FRMD4A: variants seen among roughly 807,000 people sequenced by gnomAD.
FRMD4A encodes FERM domain containing 4A.
FRMD4A carries 29 observed loss-of-function variants against 129.1 expected under a neutral mutation model. The ratio of observed to expected loss-of-function variants is 0.22; its 90% confidence interval spans 0.17 to 0.31. The LOEUF (loss-of-function observed/expected upper bound fraction) is 0.31, where lower values mean the gene tolerates loss of function less well. FRMD4A is among the 10% of genes least tolerant of loss of function. The probability of loss-of-function intolerance (pLI) is 1.00; values close to 1 mark genes in which losing one functional copy is unlikely to be tolerated. For synonymous variants in FRMD4A, 634 were observed against 571.6 expected (o/e 1.11, Z -1.56); for missense variants, 1,272 against 1,375.8 (o/e 0.92, Z 1.19).
At chr10:14,278,079 T>C (rs1845401672) in intron 2 of FRMD4A, among the ~76,000 whole-genome samples, 2 of 152,166 alleles carry the variant, frequency 1.3e-5, no homozygotes, top group South Asian at 4.1e-4. Flanking sequence ...CCCGACATTC[T>C]GGACCGCTTT....
chr10:14,110,267 TA>T (rs1170067984), intron 2 of FRMD4A, among the ~76,000 whole-genome samples: 1 of 149,744 alleles, frequency 6.7e-6, no homozygotes, highest in East Asian at 2.0e-4. Context: ...AAGGATTTTA[TA>T]AAAAGGTCAT....
intron 2 of FRMD4A, among the ~76,000 whole-genome samples, chr10:14,210,713 CTTTG>C (rs1347646486): frequency 6.6e-6 from 1 of 151,996 alleles, no homozygotes; most frequent in East Asian, 1.9e-4. Context: ...GGATTTCCGT[CTTTG>C]TTTGTTGTTT....
chr10:14,188,932 C>T (rs1263018139), intron 2 of FRMD4A, among the ~76,000 whole-genome samples: 2 of 152,164 alleles, frequency 1.3e-5, no homozygotes, highest in African/African-American at 4.8e-5. Flanking sequence ...AAAATCCCGC[C>T]CAAAACAACT....
chr10:14,272,247 T>C (rs1459260451), intron 2 of FRMD4A, among the ~76,000 whole-genome samples: 1 of 152,170 alleles, frequency 6.6e-6, no homozygotes, highest in African/African-American at 2.4e-5. Context: ...GGAATGGCCA[T>C]GCTGGCTCTG....
At chr10:13,972,436 G>A (rs1394313199) in intron 2 of FRMD4A, 1 of 383,802 alleles carries the variant, frequency 2.6e-6, no homozygotes, top group African/African-American at 2.2e-5. Context: ...AGTTTAGGTT[G>A]GGATTGAAAT....
chr10:14,113,909 T>C (rs1225483556), intron 2 of FRMD4A, among the ~76,000 whole-genome samples: 1 of 152,140 alleles, frequency 6.6e-6, no homozygotes, highest in East Asian at 1.9e-4. Flanking sequence ...GAGTCACATC[T>C]CCGAGCCTCT....
At chr10:14,097,100 C>A (rs536956664) in intron 2 of FRMD4A, 76 of 129,796 alleles carry the variant, frequency 5.9e-4, no homozygotes, top group African/African-American at 2.1e-3. Context: ...CAAGATGGCA[C>A]CATTGCCCTC....
chr10:14,003,050 C>T (rs1229224767), intron 2 of FRMD4A, among the ~76,000 whole-genome samples: 1 of 152,140 alleles, frequency 6.6e-6, no homozygotes, highest in African/African-American at 2.4e-5. Flanking sequence ...TTAAGGGTTT[C>T]AGTAGACGAG....
At chr10:14,206,026 T>C (rs946641676) in intron 2 of FRMD4A, among the ~76,000 whole-genome samples, 1 of 152,158 alleles carries the variant, frequency 6.6e-6, no homozygotes, top group Non-Finnish European at 1.5e-5. Context: ...ACAGAAAAGC[T>C]GGCTCTCTGC....
chr10:14,039,649 C>G (rs1030044085), intron 2 of FRMD4A, among the ~76,000 whole-genome samples: 1 of 152,178 alleles, frequency 6.6e-6, no homozygotes, highest in African/African-American at 2.4e-5. Context: ...TATCTGATTT[C>G]TTCCTTAGGA....
chr10:14,005,423 T>A (rs892596506), intron 2 of FRMD4A, among the ~76,000 whole-genome samples: 1 of 152,092 alleles, frequency 6.6e-6, no homozygotes, highest in Non-Finnish European at 1.5e-5. Flanking sequence ...TCTCTCAGGA[T>A]TTGGTGGATG....
At chr10:14,312,203 AG>A (rs1233528279) in intron 2 of FRMD4A, among the ~76,000 whole-genome samples, 21 of 152,302 alleles carry the variant, frequency 1.4e-4, no homozygotes, top group Non-Finnish European at 2.2e-4. Flanking sequence ...TGCCTTTGAG[AG>A]GCAGCAGATG....
At chr10:14,089,999 A>G (rs7910781) in intron 2 of FRMD4A, among the ~76,000 whole-genome samples, 3,557 of 152,350 alleles carry the variant, frequency 0.023, 127 homozygotes, top group African/African-American at 0.079. Flanking sequence ...AGAGAGGAGA[A>G]CTCTAGAATG....
intron 2 of FRMD4A, among the ~76,000 whole-genome samples, chr10:14,300,348 T>C (rs1266167071): frequency 6.6e-6 from 1 of 152,152 alleles, no homozygotes; most frequent in Non-Finnish European, 1.5e-5. Flanking sequence ...GCACCAAGCT[T>C]AGAATAAAAT....
At chr10:13,734,106 G>A (rs1209739912) in intron 12 of FRMD4A, among the ~76,000 whole-genome samples, 1 of 152,180 alleles carries the variant, frequency 6.6e-6, no homozygotes, top group Non-Finnish European at 1.5e-5. Flanking sequence ...ACACTCTGGT[G>A]GATCCTGAAG....
intron 3 of FRMD4A, among the ~76,000 whole-genome samples, chr10:13,814,419 A>T (rs1391725939): frequency 6.6e-6 from 1 of 151,744 alleles, no homozygotes; most frequent in Non-Finnish European, 1.5e-5. Flanking sequence ...ACAAAAAAAA[A>T]TTTAAAAATT....
At chr10:13,960,149 T>G (rs1187136148) in intron 2 of FRMD4A, among the ~76,000 whole-genome samples, 1 of 152,218 alleles carries the variant, frequency 6.6e-6, no homozygotes, top group Non-Finnish European at 1.5e-5. Flanking sequence ...AGGAAGTACC[T>G]GCTACCCAAG....
At chr10:14,190,843 T>C (rs1401489628) in intron 2 of FRMD4A, among the ~76,000 whole-genome samples, 2 of 152,164 alleles carry the variant, frequency 1.3e-5, no homozygotes, top group Non-Finnish European at 2.9e-5. Context: ...AGGTGACTGA[T>C]GGAAGGAAGC....
chr10:14,311,210 T>G (rs2132105445), intron 2 of FRMD4A, among the ~76,000 whole-genome samples: 1 of 152,196 alleles, frequency 6.6e-6, no homozygotes, highest in East Asian at 1.9e-4. Flanking sequence ...GTCTCCTGAA[T>G]TTCCACCTCC....
Sources: allele counts gnomAD v4.1 joint callset (sites outside exome capture counted in the v4.1 genomes callset), GRCh38; gene constraint gnomAD v4.1.1; transcripts MANE v1.5; gene names NCBI Gene and HGNC (gene_info 2026-07-23, HGNC 2026-07-21).